TNFRSF4: variants seen among roughly 807,000 people sequenced by gnomAD.
TNFRSF4 encodes the protein TNF receptor superfamily member 4.
In TNFRSF4, 21 loss-of-function variants were observed where a neutral mutation model predicts 29.5. The observed-to-expected ratio is 0.71, with a 90% CI of 0.51 to 1.03. The LOEUF (loss-of-function observed/expected upper bound fraction) is 1.03, where lower values mean the gene tolerates loss of function less well. Among genes scored for constraint, TNFRSF4 ranks in the 50% least tolerant of loss-of-function variants. TNFRSF4 has a pLI of 0.00. For synonymous variants in TNFRSF4, 197 were observed against 172.7 expected (o/e 1.14, Z -1.10); for missense variants, 408 against 387.8 (o/e 1.05, Z -0.44).
chr1:1,211,819 G>A lies in TNFRSF4; in HGVS notation c.648C>T (p.Ala216=), dbSNP rs760448555. Residue 216 remains alanine, a synonymous_variant, in exon 6 of 7, where the codon GCC becomes GCT. Transcript: ENST00000379236. Reference sequence around the variant, plus strand: ...GCACCAGGCCCAGGCCCAGGATGGCGGCAACCGCACGGCCTGCAGGAAGGG... The same window carrying A: ...GCACCAGGCCCAGGCCCAGGATGGCAGCAACCGCACGGCCTGCAGGAAGGG... ...PVEVPGGRAV[A]AILGLGLVLG... 64 of 1,550,712 alleles carry A rather than the reference G, an allele frequency of 4.1e-5. No individual in the cohort carries two copies. The highest frequency in any genetic ancestry group is 1.7e-4 in the Middle Eastern group (1 of 5,722).
At chr1:1,213,298 C>T (rs561809395) in intron 2 of TNFRSF4, 127 of 1,526,562 alleles carry the variant, frequency 8.3e-5, no homozygotes, top group Admixed American at 1.2e-4. Context: ...GGGCTGGTTC[C>T]GTGGCAGCCC....
Position 1,212,647 on chromosome 1 carries a change from G to A in TNFRSF4, c.428C>T (p.Pro143Leu), listed in dbSNP as rs1355513349. 7 of 1,472,840 alleles carry A rather than the reference G, an allele frequency of 4.8e-6. No individual in the cohort carries two copies. Among genetic ancestry groups the A allele is most frequent in the African/African-American group, 1.7e-5 (1 of 58,374 alleles). 91.2% of individuals were successfully genotyped at this position (1,472,840 alleles called of 1,614,324 possible). A position where few individuals can be genotyped will look rare whatever the true frequency, so the allele number is the denominator to read the frequency against. Residue 143 changes from proline (P) to leucine (L), a missense_variant, in exon 4 of 7, where the codon CCC (proline) becomes CTC (leucine). Pro to Leu is a moderately conservative substitution (Grantham distance 98). Coordinates refer to ENST00000379236, the MANE Select transcript of TNFRSF4 (RefSeq NM_003327.4). ...TGGCCAGGCCCCTCACTTGGTCCAG[G>A]GCTTGCAGGCCTGGTTGTCGCCTGG... is the stretch of plus-strand genomic sequence containing the variant. ...FSPGDNQACK[P>L]WTNCTLAGKH...
At chr1:1,213,883 C>T in intron 1 of TNFRSF4, 98 bp from the exon 2 acceptor site, 1 of 1,391,880 alleles carries the variant, frequency 7.2e-7, no homozygotes, top group Non-Finnish European at 9.6e-7. Flanking sequence ...CGGCCCCTCA[C>T]CCGCCCCCTC....
At chr1:1,213,116 G>A (rs748260986) in intron 2 of TNFRSF4, 23 bp from the exon 3 acceptor site, 4 of 1,594,268 alleles carry the variant, frequency 2.5e-6, no homozygotes, top group African/African-American at 1.3e-5. Flanking sequence ...CGGATGGGGG[G>A]GTGGTCAGGT....
chr1:1,213,119 G>A lies in TNFRSF4; in HGVS notation c.269-26C>T, dbSNP rs773491643. 10 of 1,591,694 alleles carry A rather than the reference G, an allele frequency of 6.3e-6. No individual in the cohort carries two copies. The African/African-American group carries it at 1.2e-4, about 19-fold the overall frequency. ...CTGAGCAGGGGCCGGATGGGGGGGT[G>A]GTCAGGTGGGGGCTGTGGACAGGGT... On this transcript the variant is annotated intron_variant, in intron 2 of 6. Coordinates refer to ENST00000379236, the MANE Select transcript of TNFRSF4 (RefSeq NM_003327.4).
At chr1:1,213,168 G>A (rs1165709232) in intron 2 of TNFRSF4, 75 bp from the exon 3 acceptor site, 1 of 1,542,514 alleles carries the variant, frequency 6.5e-7, no homozygotes. Context: ...GGGCACTGGA[G>A]GACAGGTTGG....
At chr1:1,212,596 AC>A (rs33986159) in intron 4 of TNFRSF4, 41 bp downstream of exon 4, 7,373 of 822,924 alleles carry the variant, frequency 9.0e-3, no homozygotes, top group East Asian at 0.019. Context: ...AACCACCCCA[AC>A]CCCCCCCCAG....
In TNFRSF4 at chr1:1,212,974, C is replaced by T. The variant is rs531691331; in HGVS notation, c.370+18G>A. Reference sequence around the variant, plus strand: ...GCTATGCACACCCCCAACCGCCGGCCGCAGCCACCGAGCTCACCAACTCCA... The same window carrying T: ...GCTATGCACACCCCCAACCGCCGGCTGCAGCCACCGAGCTCACCAACTCCA... On this transcript the variant is annotated intron_variant, in intron 3 of 6. Coordinates refer to ENST00000379236, the MANE Select transcript of TNFRSF4 (RefSeq NM_003327.4). The T allele has an allele frequency of 5.0e-6, 8 of 1,601,400 alleles. No homozygotes were observed. The East Asian group carries it at 6.7e-5, about 13-fold the overall frequency.
chr1:1,211,526 G>T lies in TNFRSF4; in HGVS notation c.*29C>A. 1 of 1,478,208 alleles carries T rather than the reference G, an allele frequency of 6.8e-7. No individual in the cohort carries two copies. Among genetic ancestry groups the T allele is most frequent in the Non-Finnish European group, 9.0e-7 (1 of 1,116,762 alleles). The allele number at this position is 1,478,208 out of a possible 1,614,324, so 91.6% of individuals were successfully genotyped here. On this transcript the variant is annotated 3_prime_UTR_variant, in exon 7 of 7. Coordinates refer to ENST00000379236, the MANE Select transcript of TNFRSF4 (RefSeq NM_003327.4). ...GACCCTCCGGGCTCCAGCCTGGCGG[G>T]GCCCAGCGTCCACCTTGGTGGGCCC...
rs199733493 is a variant in TNFRSF4, at chr1:1,213,725, G to A, written c.206C>T (p.Pro69Leu). 171 of 1,601,078 alleles carry A rather than the reference G, an allele frequency of 1.1e-4. No homozygotes were observed. Among genetic ancestry groups the A allele is most frequent in the Non-Finnish European group, 1.3e-4 (154 of 1,175,148 alleles). Residue 69 changes from proline (P) to leucine (L), a missense_variant, in exon 2 of 7, where the codon CCG becomes CTG. Pro to Leu is a moderately conservative substitution (Grantham distance 98). Transcript: ENST00000379236. ...SQNTVCRPCG[P>L]GFYNDVVSSK... ...GCTGACCACGTCGTTGTAGAAGCCC[G>A]GCCCGCACGGACGGCACACCGTGTT...
intron 2 of TNFRSF4, chr1:1,213,355 C>T (rs1255104744): frequency 6.5e-7 from 1 of 1,531,748 alleles, no homozygotes; most frequent in East Asian, 2.5e-5. Context: ...GCCAGCCCCG[C>T]CTGCGGCAGG....
chr1:1,213,262 G>T (rs1349978689), intron 2 of TNFRSF4, 169 bp from the exon 3 acceptor site: 5 of 1,533,054 alleles, frequency 3.3e-6, no homozygotes, highest in Non-Finnish European at 4.4e-6. Context: ...GAGGCTCCTG[G>T]GCCCTCCCTT....
rs751786485 is a variant in TNFRSF4, at chr1:1,211,505, C to G, written c.*50G>C. 2.0e-6 allele frequency: 3 copies of G among 1,469,508 alleles called. No homozygotes were observed. In the Middle Eastern group the frequency reaches 6.3e-4, roughly 307 times the overall value. 91.0% of individuals were successfully genotyped at this position (1,469,508 alleles called of 1,614,324 possible). ...ACCTGCCCTGCTCGCCCAGCAGACC[C>G]TCCGGGCTCCAGCCTGGCGGGGCCC... is the stretch of plus-strand genomic sequence containing the variant. On this transcript the variant is annotated 3_prime_UTR_variant, in exon 7 of 7. Transcript: ENST00000379236.
chr1:1,212,543 G>GC (rs1416050114), intron 4 of TNFRSF4, 95 bp downstream of exon 4: 6 of 133,180 alleles, frequency 4.5e-5, no homozygotes, highest in East Asian at 2.3e-4. Flanking sequence ...CACCCCACCT[G>GC]CCCCCCCAGC....
rs367654407 is a variant in TNFRSF4 at position 1,213,678 on chromosome 1, T to C, written c.253A>G (p.Thr85Ala). Residue 85 changes from threonine to alanine, a missense_variant, in exon 2 of 7, where the codon ACG becomes GCG. Transcript: ENST00000379236. ...VVSSKPCKPC[T>A]WCNLRSGSER... ...GGGAGCTCACTGAGGTTACACCACG[T>C]GCAGGGCTTGCACGGCTTGGAGCTG... 7 of 1,593,326 alleles carry C rather than the reference T, an allele frequency of 4.4e-6. No individual in the cohort carries two copies. In the South Asian group the frequency reaches 5.7e-5, roughly 13 times the overall value.
In TNFRSF4 at chr1:1,213,672, A is replaced by G; in HGVS notation, c.259T>C (p.Cys87Arg). 6.3e-7 allele frequency: 1 copy of G among 1,592,060 alleles called. No individual in the cohort carries two copies. Among genetic ancestry groups the G allele is most frequent in the Non-Finnish European group, 8.5e-7 (1 of 1,170,152 alleles). ...SSKPCKPCTW[C>R]NLRSGSERKQ... Reference sequence around the variant, plus strand: ...CCAGGTGGGAGCTCACTGAGGTTACACCACGTGCAGGGCTTGCACGGCTTG... The same window carrying G: ...CCAGGTGGGAGCTCACTGAGGTTACGCCACGTGCAGGGCTTGCACGGCTTG... The change falls in exon 2 of 7, where the codon TGT becomes CGT. Residue 87 changes from cysteine to arginine, a missense_variant. By Grantham distance (180) the Cys-to-Arg change is radical (BLOSUM62 -3). Coordinates refer to ENST00000379236, the MANE Select transcript of TNFRSF4 (RefSeq NM_003327.4).
chr1:1,213,875 G>T, intron 1 of TNFRSF4, 90 bp from the exon 2 acceptor site: 1 of 1,465,048 alleles, frequency 6.8e-7, no homozygotes, highest in Non-Finnish European at 9.1e-7. Context: ...GGCTTGGCCG[G>T]CCCCTCACCC....
At position 1,213,694 on chromosome 1, in the gene TNFRSF4, C is replaced by A; in HGVS notation, c.237G>T (p.Lys79Asn). 1 of 1,596,744 alleles carries A rather than the reference C, an allele frequency of 6.3e-7. No individual in the cohort carries two copies. Among genetic ancestry groups the A allele is most frequent in the South Asian group, 1.1e-5 (1 of 88,174 alleles). The change falls in exon 2 of 7, where the codon AAG becomes AAT. Residue 79 changes from lysine (K) to asparagine (N), a missense_variant. Coordinates refer to ENST00000379236, the MANE Select transcript of TNFRSF4 (RefSeq NM_003327.4). ...TACACCACGTGCAGGGCTTGCACGG[C>A]TTGGAGCTGACCACGTCGTTGTAGA... ...PGFYNDVVSS[K>N]PCKPCTWCNL...
In TNFRSF4 at chr1:1,211,932, G is replaced by A. The variant is rs757912293; in HGVS notation, c.634+10C>T. 1 of 1,539,286 alleles carries A rather than the reference G, an allele frequency of 6.5e-7. No homozygotes were observed. Among genetic ancestry groups the A allele is most frequent in the South Asian group, 1.2e-5 (1 of 82,040 alleles). On this transcript the variant is annotated intron_variant, in intron 5 of 6. Coordinates refer to ENST00000379236, the MANE Select transcript of TNFRSF4 (RefSeq NM_003327.4). ...TGGGGGCCCCGCTGGGCTGGGCCAGGCGCCCTTACCCCCGGGGACCTCCAC... is the reference window on the plus strand; with the variant it reads ...TGGGGGCCCCGCTGGGCTGGGCCAGACGCCCTTACCCCCGGGGACCTCCAC...
Sources: gnomAD v4.1 joint callset for allele counts on GRCh38, gnomAD v4.1.1 for gene constraint, MANE v1.5 for transcripts, NCBI Gene and HGNC (gene_info 2026-07-23, HGNC 2026-07-21) for gene names.